The following PLCB1 variants were observed in gnomAD, a reference collection of about 807,000 sequenced individuals.
PLCB1 encodes the protein phospholipase C beta 1, also known as 1-phosphatidylinositol 4,5-bisphosphate phosphodiesterase beta-1.
A neutral mutation model predicts 161.8 loss-of-function variants in PLCB1; 46 were observed. That is an observed-to-expected ratio of 0.28 (90% CI 0.22 to 0.36). The LOEUF (loss-of-function observed/expected upper bound fraction) is 0.36. Ranked by LOEUF, PLCB1 falls within the 10% of genes least tolerant of loss-of-function variation. The probability of loss-of-function intolerance (pLI) is 1.00; values close to 1 mark genes in which losing one functional copy is unlikely to be tolerated. For synonymous variants in PLCB1, 517 were observed against 503.7 expected (o/e 1.03, Z -0.35); for missense variants, 1,016 against 1,472.5 (o/e 0.69, Z 5.07).
intron 3 of PLCB1, among the ~76,000 whole-genome samples, chr20:8,521,338 GAATA>G (rs1179513653): frequency 1.2e-4 from 18 of 148,274 alleles, no homozygotes; most frequent in Non-Finnish European, 2.4e-4. Context: ...AAAAAAAAAA[GAATA>G]AGTAAAGGTA....
chr20:8,374,300 C>T (rs745431894), intron 3 of PLCB1, among the ~76,000 whole-genome samples: 4 of 152,174 alleles, frequency 2.6e-5, no homozygotes, highest in Non-Finnish European at 5.9e-5. Context: ...GAAGAAGATG[C>T]CTGCCTCCCC....
At chr20:8,839,159 A>G (rs755131663) in intron 31 of PLCB1, among the ~76,000 whole-genome samples, 1 of 152,174 alleles carries the variant, frequency 6.6e-6, no homozygotes, top group Non-Finnish European at 1.5e-5. Flanking sequence ...AGAGGGTAGG[A>G]GATATATCTG....
At chr20:8,569,758 G>A (rs1219701380) in intron 3 of PLCB1, among the ~76,000 whole-genome samples, 3 of 152,140 alleles carry the variant, frequency 2.0e-5, no homozygotes, top group Non-Finnish European at 4.4e-5. Context: ...ATGCACAAAA[G>A]TATACATGCA....
intron 3 of PLCB1, among the ~76,000 whole-genome samples, chr20:8,510,726 C>T (rs1342412062): frequency 1.3e-5 from 2 of 152,150 alleles, no homozygotes; most frequent in Non-Finnish European, 2.9e-5. Context: ...TTAAAATTTA[C>T]TGATCACACA....
chr20:8,158,184 C>T lies in PLCB1; in HGVS notation c.177+7813C>T, dbSNP rs574754913. Among the ~76,000 whole-genome samples the T allele has an allele frequency of 1.1e-4, 17 of 152,302 alleles. No individual in the cohort carries two copies. In the South Asian group the frequency reaches 1.4e-3, roughly 13 times the overall value. ...TTGTTCATAATTTTACTTCCTGTTA[C>T]GGAGAAAATTCCTTTGACTTTGTTA... is the stretch of plus-strand genomic sequence containing the variant. On this transcript the variant is annotated intron_variant, in intron 2 of 31. Coordinates refer to ENST00000338037, the MANE Select transcript of PLCB1 (RefSeq NM_015192.4).
At chr20:8,246,810 C>T (rs906857398) in intron 2 of PLCB1, among the ~76,000 whole-genome samples, 3 of 151,580 alleles carry the variant, frequency 2.0e-5, no homozygotes, top group Non-Finnish European at 2.9e-5. Flanking sequence ...TTTCTTTTCT[C>T]GGGGAATTTT....
intron 3 of PLCB1, among the ~76,000 whole-genome samples, chr20:8,462,623 G>A (rs149322734): frequency 1.7e-3 from 263 of 152,196 alleles, no homozygotes; most frequent in African/African-American, 6.0e-3. Context: ...CTTCATTCTA[G>A]ATTACATTTT....
At chr20:8,775,416 T>TAA (rs1430247730) in intron 27 of PLCB1, among the ~76,000 whole-genome samples, 1 of 152,152 alleles carries the variant, frequency 6.6e-6, no homozygotes, top group Non-Finnish European at 1.5e-5. Flanking sequence ...ACCAAAGAAA[T>TAA]AAGTAAGCTT....
chr20:8,584,933 C>T (rs1410063701), intron 3 of PLCB1, among the ~76,000 whole-genome samples: 1 of 152,190 alleles, frequency 6.6e-6, no homozygotes, highest in Non-Finnish European at 1.5e-5. Context: ...TTGTGATCCC[C>T]CTGCCTCAGC....
intron 3 of PLCB1, among the ~76,000 whole-genome samples, chr20:8,518,451 T>C (rs1356062794): frequency 2.0e-5 from 3 of 152,008 alleles, no homozygotes; most frequent in Admixed American, 2.0e-4. Context: ...GGGGAGAAAA[T>C]ATCAAGTGGA....
At chr20:8,876,993 C>G (rs1309147164) in intron 31 of PLCB1, among the ~76,000 whole-genome samples, 2 of 152,104 alleles carry the variant, frequency 1.3e-5, no homozygotes, top group African/African-American at 4.8e-5. Flanking sequence ...CCGTTCTTTG[C>G]TGGGATGGGA....
chr20:8,456,104 A>T (rs909258797), intron 3 of PLCB1, among the ~76,000 whole-genome samples: 1 of 152,242 alleles, frequency 6.6e-6, no homozygotes, highest in African/African-American at 2.4e-5. Context: ...CATATTATGA[A>T]TGATCTCATA....
At chr20:8,260,610 T>G (rs1027132816) in intron 2 of PLCB1, among the ~76,000 whole-genome samples, 5 of 152,040 alleles carry the variant, frequency 3.3e-5, no homozygotes, top group African/African-American at 1.2e-4. Flanking sequence ...GGTGCTGTTA[T>G]AAGAGGGACA....
At chr20:8,680,563 C>G (rs1013270936) in intron 9 of PLCB1, among the ~76,000 whole-genome samples, 11 of 152,038 alleles carry the variant, frequency 7.2e-5, no homozygotes, top group Non-Finnish European at 1.3e-4. Flanking sequence ...AAAGTTGATC[C>G]CTGGTTCACA....
chr20:8,873,739 T>A (rs1987684750), intron 31 of PLCB1, among the ~76,000 whole-genome samples: 1 of 152,072 alleles, frequency 6.6e-6, no homozygotes, highest in South Asian at 2.1e-4. Flanking sequence ...TATTTCTCCC[T>A]GTTTTCAAAG....
At chr20:8,673,478 T>C (rs1221760035) in intron 9 of PLCB1, among the ~76,000 whole-genome samples, 2 of 152,250 alleles carry the variant, frequency 1.3e-5, no homozygotes, top group Non-Finnish European at 2.9e-5. Flanking sequence ...TTTCAATCTC[T>C]CTAAGACTTT....
chr20:8,437,901 G>A (rs1980379974), intron 3 of PLCB1, among the ~76,000 whole-genome samples: 1 of 151,968 alleles, frequency 6.6e-6, no homozygotes, highest in Non-Finnish European at 1.5e-5. Context: ...GACAAGTAGA[G>A]GGAAATAAAT....
chr20:8,706,688 A>G (rs1024862128), intron 11 of PLCB1, among the ~76,000 whole-genome samples: 9 of 152,134 alleles, frequency 5.9e-5, no homozygotes, highest in Admixed American at 5.9e-4. Flanking sequence ...CATGGAAGTT[A>G]CTGCAATGGT....
At chr20:8,404,565 A>G (rs1054960152) in intron 3 of PLCB1, among the ~76,000 whole-genome samples, 2 of 152,222 alleles carry the variant, frequency 1.3e-5, no homozygotes, top group Non-Finnish European at 2.9e-5. Context: ...TGGAAAACTA[A>G]TATTTCAAAG....
Sources: gnomAD v4.1 joint callset for allele counts (sites outside exome capture counted in the v4.1 genomes callset) on GRCh38, gnomAD v4.1.1 for gene constraint, MANE v1.5 for transcripts, NCBI Gene and HGNC (gene_info 2026-07-23, HGNC 2026-07-21) for gene names.